The following CPXM2 variants were observed in gnomAD, a reference collection of about 807,000 sequenced individuals.
CPXM2 encodes inactive carboxypeptidase-like protein X2.
Under a neutral mutation model 86.1 loss-of-function variants are expected in CPXM2, and 66 were observed. That is an observed-to-expected ratio of 0.77 (90% CI 0.63 to 0.94). The LOEUF is 0.94. Among genes scored for constraint, CPXM2 ranks in the 40% least tolerant of loss-of-function variants. The pLI, the probability that CPXM2 is intolerant of heterozygous loss-of-function variation, is 0.00. For missense variants in CPXM2, 948 were observed against 1,026.3 expected (o/e 0.92, Z 1.04); for synonymous variants, 388 against 400.2 (o/e 0.97, Z 0.36).
rs1846498222 is a variant in CPXM2 at position 123,767,135 on chromosome 10, G to A, written c.1317C>T (p.Gly439=). ...KAYEGGSELG[G]WSLGRWTHDG... ...CGTGGGTCCAGCGTCCCAGGGACCA[G>A]CCTCCCAGCTCCGAGCCCTGGAGAC... The change falls in exon 10 of 14, where the codon GGC becomes GGT. Residue 439 remains glycine, a synonymous_variant. Coordinates refer to ENST00000241305, the MANE Select transcript of CPXM2 (RefSeq NM_198148.3). 1 of 1,613,972 alleles carries A rather than the reference G, an allele frequency of 6.2e-7. No individual in the cohort carries two copies. Among genetic ancestry groups the A allele is most frequent in the Admixed American group, 1.7e-5 (1 of 60,006 alleles).
intron 2 of CPXM2, among the ~76,000 whole-genome samples, 191 bp from the exon 3 acceptor site, chr10:123,862,914 T>G (rs1162303548): frequency 6.6e-6 from 1 of 152,194 alleles, no homozygotes; most frequent in Non-Finnish European, 1.5e-5. Flanking sequence ...GGCATTTGCT[T>G]TAGGGGTGTT....
intron 3 of CPXM2, among the ~76,000 whole-genome samples, chr10:123,857,570 C>T (rs2018157): frequency 0.033 from 4,195 of 127,422 alleles, 113 homozygotes; most frequent in Non-Finnish European, 0.05. Context: ...AGATGGAAGG[C>T]GGCGTGGAGA....
In CPXM2 at chr10:123,759,281, G is replaced by A. The variant is rs754640431; in HGVS notation, c.1778-1929C>T. Among the ~76,000 whole-genome samples, 7 of 152,286 alleles carry A rather than the reference G, an allele frequency of 4.6e-5. 1 individual carries two copies. In the East Asian group the frequency reaches 7.7e-4, roughly 17 times the overall value. ...CAGGGAGCACAGGTTTCAGCTTTCC[G>A]GGAGAGCTGAACACCTGTCTACAGA... On this transcript the variant is annotated intron_variant, in intron 11 of 13. Coordinates refer to ENST00000241305, the MANE Select transcript of CPXM2 (RefSeq NM_198148.3).
intron 6 of CPXM2, among the ~76,000 whole-genome samples, chr10:123,781,970 C>T (rs183919296): frequency 6.6e-6 from 1 of 152,318 alleles, no homozygotes; most frequent in Non-Finnish European, 1.5e-5. Flanking sequence ...AATCACATAT[C>T]GACCCAAGCA....
In CPXM2 at chr10:123,891,328, G is replaced by C; in HGVS notation, c.304+28C>G. The stretch of plus-strand genomic sequence containing the variant: ...GGCGCGCAACCACCGGCGCCCCCTC[G>C]GGCTGCCCAGCGCAGAAAGTTCCTT... On this transcript the variant is annotated intron_variant, in intron 1 of 13. Transcript: ENST00000241305. This position sits in a 1 kb window ranked among gnomAD's most constrained non-coding sequence, Gnocchi z 5.6. The C allele has an allele frequency of 2.7e-6, 4 of 1,471,310 alleles. No individual in the cohort carries two copies. Among genetic ancestry groups the C allele is most frequent in the Non-Finnish European group, 3.6e-6 (4 of 1,110,584 alleles). The allele number at this position is 1,471,310 out of a possible 1,614,324, so 91.1% of individuals were successfully genotyped here. A position where few individuals can be genotyped will look rare whatever the true frequency, so the allele number is the denominator to read the frequency against.
intron 10 of CPXM2, among the ~76,000 whole-genome samples, chr10:123,765,229 C>T (rs1403267624): frequency 6.6e-6 from 1 of 152,196 alleles, no homozygotes; most frequent in Non-Finnish European, 1.5e-5. Context: ...TTATACGTCC[C>T]TTATGTCAAA....
chr10:123,876,625 T>C (rs931082728), intron 2 of CPXM2, among the ~76,000 whole-genome samples: 5 of 152,166 alleles, frequency 3.3e-5, no homozygotes, highest in Non-Finnish European at 7.3e-5. Flanking sequence ...ATTTTAAGGG[T>C]TACCTTTTAA....
intron 4 of CPXM2, among the ~76,000 whole-genome samples, chr10:123,803,035 C>T (rs1847493590): frequency 6.8e-6 from 1 of 147,514 alleles, no homozygotes; most frequent in African/African-American, 2.5e-5. Context: ...GCTCTTTATA[C>T]ATTCTAGATA....
chr10:123,800,584 G>T (rs575497038), intron 4 of CPXM2, among the ~76,000 whole-genome samples: 2 of 152,116 alleles, frequency 1.3e-5, no homozygotes, highest in African/African-American at 4.8e-5. Context: ...AGGCCCGAGG[G>T]TGATACAGCA....
intron 4 of CPXM2, among the ~76,000 whole-genome samples, chr10:123,837,550 T>C (rs10902825): frequency 0.38 from 57,081 of 151,852 alleles, 13,593 homozygotes; most frequent in African/African-American, 0.68. Context: ...TTGGTTATAA[T>C]GGTTAGCACT....
In CPXM2 at chr10:123,757,330, A is replaced by G. The variant is rs1846238399; in HGVS notation, c.1800T>C (p.Leu600=). 1 of 1,613,874 alleles carries G rather than the reference A, an allele frequency of 6.2e-7. No individual in the cohort carries two copies. Among genetic ancestry groups the G allele is most frequent in the African/African-American group, 1.3e-5 (1 of 75,054 alleles). Residue 600 remains leucine (L), a synonymous_variant, in exon 12 of 14, where the codon CTT becomes CTC. Coordinates refer to ENST00000241305, the MANE Select transcript of CPXM2 (RefSeq NM_198148.3). Reference sequence around the variant, plus strand: ...TGGACAGTTCGAAGCAGTTTGTATGAAGGTAGCTGAAATCGTTCAGACCTG... The same window carrying G: ...TGGACAGTTCGAAGCAGTTTGTATGGAGGTAGCTGAAATCGTTCAGACCTG... ...VAGSLNDFSY[L]HTNCFELSIY...
chr10:123,758,122 G>C (rs1245584253), intron 11 of CPXM2, among the ~76,000 whole-genome samples: 3 of 152,136 alleles, frequency 2.0e-5, no homozygotes, highest in Admixed American at 2.0e-4. Context: ...CTGCCTCCTG[G>C]CATGACGACA....
intron 6 of CPXM2, among the ~76,000 whole-genome samples, chr10:123,790,803 G>C (rs1454740935): frequency 6.6e-6 from 1 of 152,110 alleles, no homozygotes; most frequent in Non-Finnish European, 1.5e-5. Flanking sequence ...ATACGTATTT[G>C]ATATATGAAT....
chr10:123,869,883 C>T (rs748258950), intron 2 of CPXM2, among the ~76,000 whole-genome samples: 1 of 152,150 alleles, frequency 6.6e-6, no homozygotes, highest in Non-Finnish European at 1.5e-5. Context: ...GCCTTTGTGG[C>T]CCAGAAATTC....
intron 6 of CPXM2, among the ~76,000 whole-genome samples, chr10:123,797,621 G>C (rs1345340502): frequency 1.2e-5 from 1 of 85,242 alleles, no homozygotes; most frequent in African/African-American, 6.9e-5. Context: ...GTGTAGTGGT[G>C]CTATTTCGGC....
intron 11 of CPXM2, among the ~76,000 whole-genome samples, chr10:123,759,629 C>T (rs1401835097): frequency 6.6e-6 from 1 of 152,206 alleles, no homozygotes; most frequent in East Asian, 1.9e-4. Context: ...TCTTCACAAG[C>T]CTTCGGCCCT....
At chr10:123,747,206 C>A (rs1321104014) in intron 13 of CPXM2, among the ~76,000 whole-genome samples, 189 bp from the exon 14 acceptor site, 4 of 152,168 alleles carry the variant, frequency 2.6e-5, no homozygotes, top group Admixed American at 2.6e-4. Flanking sequence ...CTGAAAGCTG[C>A]CTTAATGGTT....
At chr10:123,783,115 G>T (rs2134033760) in intron 6 of CPXM2, among the ~76,000 whole-genome samples, 1 of 152,338 alleles carries the variant, frequency 6.6e-6, no homozygotes, top group Admixed American at 6.5e-5. Context: ...TCCGGGAATT[G>T]CCCACCTCTT....
chr10:123,762,212 AT>A, intron 10 of CPXM2, 43 bp from the exon 11 acceptor site: 1 of 1,613,100 alleles, frequency 6.2e-7, no homozygotes, highest in Non-Finnish European at 8.5e-7. Context: ...GCAGGAAGTC[AT>A]TTTATCTCCC....
Sources: gnomAD v4.1 joint callset for allele counts (sites outside exome capture counted in the v4.1 genomes callset) on GRCh38, gnomAD v4.1.1 for gene constraint, Gnocchi (gnomAD v3.1) non-coding constraint, MANE v1.5 for transcripts, NCBI Gene and HGNC (gene_info 2026-07-23, HGNC 2026-07-21) for gene names.